The following ANKRD36C variants were observed in gnomAD, a reference collection of about 807,000 sequenced individuals.
ANKRD36C encodes ankyrin repeat domain-containing protein 36C.
ANKRD36C carries 61 observed loss-of-function variants against 276.4 expected under a neutral mutation model. The ratio of observed to expected loss-of-function variants is 0.22; its 90% CI spans 0.18 to 0.27. ANKRD36C has a LOEUF of 0.27. ANKRD36C is among the 10% of genes least tolerant of loss of function. The pLI, the probability that ANKRD36C is intolerant of heterozygous loss-of-function variation, is 1.00. For missense variants in ANKRD36C, 1,447 were observed against 2,032.3 expected (o/e 0.71, Z 5.54); for synonymous variants, 483 against 680.1 (o/e 0.71, Z 4.51).
intron 42 of ANKRD36C, among the ~76,000 whole-genome samples, chr2:95,911,110 T>A (rs181044365): frequency 6.6e-6 from 1 of 151,634 alleles, no homozygotes; most frequent in East Asian, 2.0e-4. Flanking sequence ...TGGATACCTG[T>A]TTGCTGATAC....
At chr2:95,957,375 T>C (rs1384353515) in intron 12 of ANKRD36C, among the ~76,000 whole-genome samples, 4 of 151,816 alleles carry the variant, frequency 2.6e-5, no homozygotes, top group Non-Finnish European at 1.5e-5. Flanking sequence ...ACAATGACAA[T>C]TACACTTTAG....
At chr2:95,894,399 T>A (rs1367169161) in intron 44 of ANKRD36C, 1 of 152,298 alleles carries the variant, frequency 6.6e-6, no homozygotes, top group Non-Finnish European at 1.5e-5. Flanking sequence ...AAGGATAATA[T>A]ATTAGCCTCA....
At chr2:95,914,011 T>C (rs1055686296) in intron 40 of ANKRD36C, 97 bp downstream of exon 42, 28 of 1,233,930 alleles carry the variant, frequency 2.3e-5, no homozygotes, top group Non-Finnish European at 3.2e-5. Context: ...TGTATCAGAA[T>C]GTGCAGCTTC....
chr2:95,926,755 C>G (rs1380830835), intron 28 of ANKRD36C, among the ~76,000 whole-genome samples: 1 of 151,596 alleles, frequency 6.6e-6, no homozygotes, highest in Non-Finnish European at 1.5e-5. Context: ...CTCCTTCCTG[C>G]CTGACAATCC....
At chr2:95,953,645 T>C (rs1251897262) in intron 14 of ANKRD36C, among the ~76,000 whole-genome samples, 1 of 152,120 alleles carries the variant, frequency 6.6e-6, no homozygotes. Context: ...AAAATTTGTA[T>C]ATCCTCTACT....
At chr2:95,980,733 G>A in exon 5 of ANKRD36C, 1 of 1,610,250 alleles carries the variant, frequency 6.2e-7, no homozygotes, top group Non-Finnish European at 8.5e-7. Context: ...TGCTGCAGAA[G>A]AAGAATGACT....
chr2:95,893,912 T>C (rs1353559388), intron 44 of ANKRD36C, among the ~76,000 whole-genome samples, 188 bp from the exon 63 acceptor site: 1 of 151,454 alleles, frequency 6.6e-6, no homozygotes, highest in Non-Finnish European at 1.5e-5. Context: ...ACAGGCTCCA[T>C]GAAATATACC....
At chr2:95,917,616 T>C (rs919417266) in intron 36 of ANKRD36C, among the ~76,000 whole-genome samples, 1 of 151,510 alleles carries the variant, frequency 6.6e-6, no homozygotes. Flanking sequence ...TCTCTCCATA[T>C]TTCTTCTTCC....
chr2:95,866,293 T>A (rs1415130703), intron 60 of ANKRD36C, among the ~76,000 whole-genome samples: 4 of 152,230 alleles, frequency 2.6e-5, no homozygotes, highest in Non-Finnish European at 5.9e-5. Context: ...TTGGATTTCA[T>A]TACGATTAAA....
At chr2:95,973,375 G>A (rs772930617) in intron 6 of ANKRD36C, among the ~76,000 whole-genome samples, 41 of 151,884 alleles carry the variant, frequency 2.7e-4, no homozygotes, top group East Asian at 7.7e-4. Flanking sequence ...TTGTGCCACC[G>A]CACTCCAGCC....
chr2:95,884,495 C>T lies in ANKRD36C; in HGVS notation c.3164-127G>A, dbSNP rs370214051. 11 of 1,498,432 alleles carry T rather than the reference C, an allele frequency of 7.3e-6. No homozygotes were observed. In the East Asian group the frequency reaches 2.3e-4, roughly 32 times the overall value. 92.8% of individuals were successfully genotyped at this position (1,498,432 alleles called of 1,614,324 possible). ...TTAGGGTAGGATTTGATGTTTCCTA[C>T]TTTGTGTCTGGGGATTGGAACATGA... is the stretch of plus-strand genomic sequence containing the variant. On this transcript the variant is annotated intron_variant, in intron 52 of 66. Coordinates refer to ENST00000456556, the Ensembl canonical transcript of ANKRD36C.
intron 6 of ANKRD36C, among the ~76,000 whole-genome samples, chr2:95,974,756 C>A (rs915517199): frequency 1.3e-5 from 2 of 149,898 alleles, no homozygotes; most frequent in Non-Finnish European, 3.0e-5. Flanking sequence ...GCACCCAATA[C>A]CTCATCATTT....
rs1336101446 is a variant in ANKRD36C at position 95,860,176 on chromosome 2, A to G, written c.3683-102T>C. ...CATGTATTCATTCATATGTTGAACA[A>G]GTATGTACATATTGAGTGCCTACAA... is the stretch of plus-strand genomic sequence containing the variant. On this transcript the variant is annotated intron_variant, in intron 60 of 66. Transcript: ENST00000456556. 3.3e-6 allele frequency: 3 copies of G among 912,048 alleles called. No individual in the cohort carries two copies. In the African/African-American group the frequency reaches 5.0e-5, roughly 15 times the overall value. The allele number at this position is 912,048 out of a possible 1,614,324, so 56.5% of individuals were successfully genotyped here.
At chr2:95,978,981 A>T (rs1678865124) in intron 5 of ANKRD36C, among the ~76,000 whole-genome samples, 2 of 152,004 alleles carry the variant, frequency 1.3e-5, no homozygotes, top group African/African-American at 4.8e-5. Flanking sequence ...TGCTAGAATG[A>T]TGGTTCATCT....
chr2:95,989,917 C>A (rs1175666903), intron 1 of ANKRD36C, among the ~76,000 whole-genome samples: 1 of 152,066 alleles, frequency 6.6e-6, no homozygotes, highest in African/African-American at 2.4e-5. Flanking sequence ...AAAAAAAATG[C>A]TTTGCTCTAT....
intron 59 of ANKRD36C, among the ~76,000 whole-genome samples, chr2:95,874,018 GA>G (rs1192232224): frequency 6.6e-6 from 1 of 151,944 alleles, no homozygotes; most frequent in Non-Finnish European, 1.5e-5. Flanking sequence ...ACTGCTCAAG[GA>G]AATAAAAGAG....
At chr2:95,931,426 A>G (rs1358822064) in intron 24 of ANKRD36C, among the ~76,000 whole-genome samples, 1 of 149,698 alleles carries the variant, frequency 6.7e-6, no homozygotes, top group Non-Finnish European at 1.5e-5. Flanking sequence ...GACAGTACTG[A>G]GCAATAAACT....
intron 6 of ANKRD36C, among the ~76,000 whole-genome samples, chr2:95,963,988 T>TATATATATATAA (rs1678527323): frequency 4.1e-4 from 8 of 19,532 alleles, no homozygotes; most frequent in African/African-American, 1.5e-3. Context: ...TATATATATA[T>TATATATATATAA]ATATATATAT....
intron 24 of ANKRD36C, among the ~76,000 whole-genome samples, chr2:95,929,917 C>T (rs1677519927): frequency 6.6e-6 from 1 of 151,448 alleles, no homozygotes; most frequent in African/African-American, 2.4e-5. Flanking sequence ...TTCCTTCATC[C>T]ACTCATTGCA....
Sources: gnomAD v4.1 joint callset for allele counts (sites outside exome capture counted in the v4.1 genomes callset) on GRCh38, gnomAD v4.1.1 for gene constraint, MANE v1.5 for transcripts, NCBI Gene and HGNC (gene_info 2026-07-23, HGNC 2026-07-21) for gene names.